Variants in SEMA3E observed in about 807,000 individuals in gnomAD.
SEMA3E encodes semaphorin-3E.
SEMA3E carries 49 observed loss-of-function variants against 93.6 expected under a neutral mutation model. That is an observed-to-expected ratio of 0.52 (90% CI 0.42 to 0.66). SEMA3E has a LOEUF of 0.66. Among genes scored for constraint, SEMA3E ranks in the 30% least tolerant of loss-of-function variants. SEMA3E has a pLI of 0.00. For synonymous variants in SEMA3E, 363 were observed against 330.7 expected, an observed-to-expected ratio of 1.10 and a Z score of -1.06; for missense variants, 906 against 964.8, an observed-to-expected ratio of 0.94 and a Z score of 0.81.
intron 1 of SEMA3E, among the ~76,000 whole-genome samples, chr7:83,617,014 C>T (rs956462748): frequency 3.9e-5 from 6 of 152,036 alleles, no homozygotes; most frequent in South Asian, 2.1e-4. Flanking sequence ...CGTAAGCCAC[C>T]GTGCTTAAAT....
intron 1 of SEMA3E, among the ~76,000 whole-genome samples, chr7:83,594,247 G>A (rs1395001901): frequency 1.3e-5 from 2 of 152,066 alleles, no homozygotes; most frequent in Non-Finnish European, 2.9e-5. Flanking sequence ...AAGTGCTTAC[G>A]TGAGAACAAT....
At chr7:83,498,050 C>T (rs1029511791) in intron 1 of SEMA3E, among the ~76,000 whole-genome samples, 1 of 151,396 alleles carries the variant, frequency 6.6e-6, no homozygotes, top group Non-Finnish European at 1.5e-5. Context: ...TGATAAACTA[C>T]TTCTACTTAA....
At chr7:83,641,336 T>A in intron 1 of SEMA3E, 1 of 978,372 alleles carries the variant, frequency 1.0e-6, no homozygotes, top group South Asian at 4.7e-5. Context: ...TCTTACCTGT[T>A]CATCTAAGGG....
intron 1 of SEMA3E, among the ~76,000 whole-genome samples, chr7:83,627,936 T>A (rs1329108156): frequency 6.6e-6 from 1 of 152,168 alleles, no homozygotes; most frequent in Non-Finnish European, 1.5e-5. Context: ...TTTTCATATG[T>A]TTTTGCAGTT....
intron 1 of SEMA3E, among the ~76,000 whole-genome samples, chr7:83,642,878 C>T (rs1196525456): frequency 6.6e-6 from 1 of 152,096 alleles, no homozygotes; most frequent in Admixed American, 6.5e-5. Context: ...AAGACTTTAA[C>T]ACTGGGATGG....
chr7:83,444,673 ATT>A (rs397952833), intron 4 of SEMA3E, among the ~76,000 whole-genome samples: 2 of 142,288 alleles, frequency 1.4e-5, no homozygotes, highest in Non-Finnish European at 1.5e-5. Context: ...AATATTCAGC[ATT>A]TTTTTTTTTT....
chr7:83,648,499 T>G lies in SEMA3E; in HGVS notation c.44A>C (p.Tyr15Ser). The G allele has an allele frequency of 6.2e-7, 1 of 1,613,210 alleles. No homozygotes were observed. Among genetic ancestry groups the G allele is most frequent in the Non-Finnish European group, 8.5e-7 (1 of 1,179,832 alleles). The change falls in exon 1 of 17, where the codon TAC becomes TCC. Residue 15 changes from tyrosine (Y) to serine (S), a missense_variant. Transcript: ENST00000643230. ...ACCTCCTGTCCAAAGCTCCAGTAAG[T>G]AACCCCACAGGAGCAAGGTGATAAT... is the stretch of plus-strand genomic sequence containing the variant. Reference protein sequence around the residue: ...GHIITLLLWGYLLELWTGGHT... With the variant: ...GHIITLLLWGSLLELWTGGHT...
intron 1 of SEMA3E, among the ~76,000 whole-genome samples, chr7:83,525,479 C>T (rs534726045): frequency 1.3e-5 from 2 of 152,092 alleles, no homozygotes; most frequent in Admixed American, 6.6e-5. Flanking sequence ...TCTCTTTCTG[C>T]AATGCTTATT....
At chr7:83,521,976 A>G (rs1254643571) in intron 1 of SEMA3E, among the ~76,000 whole-genome samples, 4 of 152,156 alleles carry the variant, frequency 2.6e-5, no homozygotes, top group African/African-American at 9.7e-5. Context: ...GATGGCACTC[A>G]GGGCAGAGAC....
intron 4 of SEMA3E, among the ~76,000 whole-genome samples, chr7:83,452,314 T>C (rs1341650508): frequency 2.0e-5 from 3 of 152,110 alleles, no homozygotes; most frequent in Non-Finnish European, 2.9e-5. Context: ...GTATTTATAT[T>C]TGTTCAAGTG....
chr7:83,430,980 A>G (rs1788868985), intron 4 of SEMA3E, among the ~76,000 whole-genome samples: 1 of 152,182 alleles, frequency 6.6e-6, no homozygotes. Context: ...GAGTTGAACA[A>G]AATAGAAAAG....
intron 1 of SEMA3E, among the ~76,000 whole-genome samples, chr7:83,535,208 C>T (rs1170464477): frequency 6.6e-6 from 1 of 152,128 alleles, no homozygotes; most frequent in African/African-American, 2.4e-5. Flanking sequence ...CAAAGAGTTT[C>T]ATAGCTTGGG....
At chr7:83,586,113 T>C (rs766209427) in intron 1 of SEMA3E, among the ~76,000 whole-genome samples, 16 of 152,138 alleles carry the variant, frequency 1.1e-4, no homozygotes, top group Admixed American at 5.2e-4. Flanking sequence ...ATGACATCAT[T>C]CTGGTGTAGC....
intron 4 of SEMA3E, among the ~76,000 whole-genome samples, chr7:83,462,396 C>A (rs369999274): frequency 1.3e-5 from 2 of 152,036 alleles, no homozygotes; most frequent in African/African-American, 2.4e-5. Context: ...TTTTTAGTTA[C>A]CCCCACCTGC....
intron 1 of SEMA3E, among the ~76,000 whole-genome samples, chr7:83,647,904 G>A (rs968089993): frequency 6.6e-6 from 1 of 152,134 alleles, no homozygotes; most frequent in African/African-American, 2.4e-5. Context: ...ACATGATGAT[G>A]ACAGTTATGG....
intron 1 of SEMA3E, among the ~76,000 whole-genome samples, chr7:83,574,385 G>C (rs1280568311): frequency 6.6e-6 from 1 of 150,788 alleles, no homozygotes; most frequent in Non-Finnish European, 1.5e-5. Flanking sequence ...ATGAAGAAGA[G>C]ATTCCAAAGA....
At chr7:83,608,217 A>T (rs1793168665) in intron 1 of SEMA3E, among the ~76,000 whole-genome samples, 1 of 152,100 alleles carries the variant, frequency 6.6e-6, no homozygotes. Context: ...AGTCTCAAAA[A>T]AAAGAAAAAA....
rs1038257908 is a variant in SEMA3E, at chr7:83,398,022, T to C, written c.1367-1293A>G. On this transcript the variant is annotated intron_variant, in intron 11 of 16. Transcript: ENST00000643230. ...TTTTTAATAAGGACCATATATGTAT[T>C]GTATTAAAGCCGGTGTCTAGTAAAT... 2.0e-4 allele frequency among the ~76,000 whole-genome samples: 31 copies of C among 152,190 alleles called. 1 individual carries two copies. Among genetic ancestry groups the C allele is most frequent in the Admixed American group, 2.0e-4 (3 of 15,272 alleles).
intron 5 of SEMA3E, among the ~76,000 whole-genome samples, chr7:83,409,532 T>C (rs1788399617): frequency 6.6e-6 from 1 of 152,172 alleles, no homozygotes; most frequent in Non-Finnish European, 1.5e-5. Flanking sequence ...ACAGATATGA[T>C]TATTATATTA....
Sources: allele counts gnomAD v4.1 joint callset (sites outside exome capture counted in the v4.1 genomes callset), GRCh38; gene constraint gnomAD v4.1.1; transcripts MANE v1.5; gene names NCBI Gene and HGNC (gene_info 2026-07-23, HGNC 2026-07-21).